The following CATSPERT variants were observed in gnomAD, a reference collection of about 807,000 sequenced individuals.
The protein encoded by CATSPERT is catsper channel auxiliary subunit tau.
At chr2:201,596,119 T>C in the CATSPERT span, among the ~76,000 whole-genome samples, 26 of 152,196 alleles carry the variant, frequency 1.7e-4, no homozygotes, top group African/African-American at 6.0e-4. Flanking sequence ...TAAAAATACA[T>C]GCACGTATAT....
At chr2:201,491,756 T>A in the CATSPERT span, 3 of 1,537,176 alleles carry the variant, frequency 2.0e-6, no homozygotes, top group East Asian at 7.3e-5. Flanking sequence ...TGCTCCTTTC[T>A]ATCAAGGGAC....
At chr2:201,588,232 C>T in the CATSPERT span, among the ~76,000 whole-genome samples, 1 of 151,964 alleles carries the variant, frequency 6.6e-6, no homozygotes, top group African/African-American at 2.4e-5. Context: ...AACATTGATG[C>T]AAAAATCCTC....
the CATSPERT span, among the ~76,000 whole-genome samples, chr2:201,617,143 T>G: frequency 6.6e-6 from 1 of 152,224 alleles, no homozygotes; most frequent in Non-Finnish European, 1.5e-5. Context: ...CCAAGGTAAT[T>G]TATAGATTCA....
At chr2:201,534,040 TTATCTATCTATC>T in the CATSPERT span, among the ~76,000 whole-genome samples, 5,118 of 148,628 alleles carry the variant, frequency 0.034, 156 homozygotes, top group African/African-American at 0.074. Flanking sequence ...GATCTGTATA[TTATCTATCTATC>T]TATCTATCTA....
the CATSPERT span, chr2:201,545,681 T>G: frequency 8.7e-7 from 1 of 1,149,126 alleles, no homozygotes; most frequent in Non-Finnish European, 1.2e-6. Flanking sequence ...GGGAAAATAT[T>G]TAAAGAACGA....
the CATSPERT span, among the ~76,000 whole-genome samples, chr2:201,568,672 G>A: frequency 2.0e-5 from 3 of 152,160 alleles, no homozygotes; most frequent in Non-Finnish European, 2.9e-5. Context: ...GGTAGGAATC[G>A]CCATTCCTGT....
the CATSPERT span, among the ~76,000 whole-genome samples, chr2:201,596,820 C>T: frequency 2.6e-5 from 4 of 152,130 alleles, no homozygotes; most frequent in Non-Finnish European, 5.9e-5. Context: ...AGAATTTTTA[C>T]TTGGTTCTCT....
the CATSPERT span, among the ~76,000 whole-genome samples, chr2:201,563,320 G>A: frequency 7.8e-6 from 1 of 128,200 alleles, no homozygotes; most frequent in Non-Finnish European, 1.7e-5. Flanking sequence ...GCGGGGGGCT[G>A]ACCCCCCCAC....
At chr2:201,490,244 A>T in the CATSPERT span, among the ~76,000 whole-genome samples, 2 of 152,260 alleles carry the variant, frequency 1.3e-5, no homozygotes, top group African/African-American at 4.8e-5. Context: ...AAAAAAGAAA[A>T]GACTAGAAGT....
chr2:201,500,685 G>A, the CATSPERT span, among the ~76,000 whole-genome samples: 1 of 152,062 alleles, frequency 6.6e-6, no homozygotes, highest in Non-Finnish European at 1.5e-5. Context: ...GCTGAAGATG[G>A]CTGTCCATAA....
the CATSPERT span, among the ~76,000 whole-genome samples, chr2:201,516,029 T>C: frequency 1.3e-5 from 2 of 152,258 alleles, no homozygotes; most frequent in Non-Finnish European, 2.9e-5. Flanking sequence ...GTAAGCATCA[T>C]AGTATGTACT....
At chr2:201,545,757 C>T in the CATSPERT span, 1 of 493,878 alleles carries the variant, frequency 2.0e-6, no homozygotes, top group Middle Eastern at 5.7e-4. Flanking sequence ...CCCAAATTTA[C>T]AGAAGACAAG....
the CATSPERT span, among the ~76,000 whole-genome samples, chr2:201,510,093 T>G: frequency 6.6e-6 from 1 of 150,724 alleles, no homozygotes. Context: ...TCTCTCTCCA[T>G]GTTGGCTTTT....
At chr2:201,584,788 A>AG in the CATSPERT span, among the ~76,000 whole-genome samples, 1 of 152,100 alleles carries the variant, frequency 6.6e-6, no homozygotes. Flanking sequence ...GTCTCAAAAA[A>AG]AAAGAAAGAA....
the CATSPERT span, among the ~76,000 whole-genome samples, chr2:201,562,005 C>G: frequency 6.6e-6 from 1 of 151,888 alleles, no homozygotes; most frequent in African/African-American, 2.4e-5. Flanking sequence ...CCTATCTTGT[C>G]TCAAGCCACC....
the CATSPERT span, among the ~76,000 whole-genome samples, chr2:201,523,462 G>C: frequency 6.6e-6 from 1 of 152,220 alleles, no homozygotes; most frequent in African/African-American, 2.4e-5. Flanking sequence ...ACCCTCAAGG[G>C]AATCAAAGAA....
the CATSPERT span, among the ~76,000 whole-genome samples, chr2:201,491,016 C>A: frequency 6.6e-6 from 1 of 152,136 alleles, no homozygotes; most frequent in African/African-American, 2.4e-5. Context: ...AGCCACCACA[C>A]CTGGTCTTTC....
At chr2:201,494,204 T>A in the CATSPERT span, 1 of 1,535,044 alleles carries the variant, frequency 6.5e-7, no homozygotes, top group Non-Finnish European at 8.7e-7. Flanking sequence ...TTATCATGAA[T>A]GCTTAGAAGT....
chr2:201,492,367 A>G, the CATSPERT span: 3 of 1,534,970 alleles, frequency 2.0e-6, 1 homozygote, highest in South Asian at 3.6e-5. Flanking sequence ...AAGACTCTGG[A>G]GGTGTTTGCT....
Sources: gnomAD v4.1 joint callset for allele counts (sites outside exome capture counted in the v4.1 genomes callset) on GRCh38, gnomAD v4.1.1 for gene constraint, MANE v1.5 for transcripts, NCBI Gene and HGNC (gene_info 2026-07-23, HGNC 2026-07-21) for gene names.